Variants in PRKAR2A observed in about 807,000 individuals in gnomAD.
PRKAR2A encodes protein kinase cAMP-dependent type II regulatory subunit alpha.
In PRKAR2A, 29 loss-of-function variants were observed where a neutral mutation model predicts 51.9. That is an observed-to-expected ratio of 0.56 (90% CI 0.42 to 0.76). The LOEUF (loss-of-function observed/expected upper bound fraction) is 0.76. PRKAR2A is among the 30% of genes least tolerant of loss of function. The pLI is 0.00. For missense variants in PRKAR2A, 445 were observed against 512.1 expected (o/e 0.87, Z 1.26); for synonymous variants, 178 against 186.2 (o/e 0.96, Z 0.36).
At chr3:48,776,206 G>A (rs2082102368) in intron 5 of PRKAR2A, among the ~76,000 whole-genome samples, 1 of 152,132 alleles carries the variant, frequency 6.6e-6, no homozygotes, top group South Asian at 2.1e-4. Context: ...AGCATTTGCA[G>A]AAATAGGCAC....
At chr3:48,843,535 C>G (rs1457591742) in intron 1 of PRKAR2A, among the ~76,000 whole-genome samples, 2 of 152,120 alleles carry the variant, frequency 1.3e-5, no homozygotes, top group Non-Finnish European at 2.9e-5. Context: ...CAAGTCAATC[C>G]TAAGCCAAAA....
intron 8 of PRKAR2A, among the ~76,000 whole-genome samples, chr3:48,764,022 A>C (rs1377752443): frequency 6.6e-6 from 1 of 152,006 alleles, no homozygotes; most frequent in Non-Finnish European, 1.5e-5. Flanking sequence ...TAGTGGGGCC[A>C]ACTCCACCCA....
intron 1 of PRKAR2A, among the ~76,000 whole-genome samples, chr3:48,822,960 TA>T: frequency 6.6e-6 from 1 of 152,316 alleles, no homozygotes; most frequent in South Asian, 2.1e-4. Flanking sequence ...GAATCACAAA[TA>T]TTTTAAACAA....
Position 48,842,097 on chromosome 3 carries a change from G to A in PRKAR2A, c.262+5238C>T, listed in dbSNP as rs905282430. Among the ~76,000 whole-genome samples, 14 of 152,194 alleles carry A rather than the reference G, an allele frequency of 9.2e-5. No homozygotes were observed. In the South Asian group the frequency reaches 2.9e-3, roughly 32 times the overall value. Reference sequence around the variant, plus strand: ...ATCCTCTTTTATTTCATTGAGCAGTGGTTTGTAGTTCTCCTTGAAGAGGTC... The same window carrying A: ...ATCCTCTTTTATTTCATTGAGCAGTAGTTTGTAGTTCTCCTTGAAGAGGTC... On this transcript the variant is annotated intron_variant, in intron 1 of 10. Coordinates refer to ENST00000265563, the MANE Select transcript of PRKAR2A (RefSeq NM_004157.4).
At chr3:48,766,171 T>G (rs546414189) in intron 6 of PRKAR2A, among the ~76,000 whole-genome samples, 1 of 151,610 alleles carries the variant, frequency 6.6e-6, no homozygotes, top group South Asian at 2.1e-4. Context: ...GAGTTGTGAT[T>G]GTACCACTGC....
chr3:48,746,015 C>T (rs765365332), downstream of PRKAR2A, among the ~76,000 whole-genome samples: 8 of 152,074 alleles, frequency 5.3e-5, no homozygotes, highest in Admixed American at 2.0e-4. Flanking sequence ...TGCTTTTGGA[C>T]GCTAACTGAA....
At chr3:48,814,361 T>A (rs191326330) in intron 1 of PRKAR2A, among the ~76,000 whole-genome samples, 61 of 152,222 alleles carry the variant, frequency 4.0e-4, no homozygotes, top group Middle Eastern at 6.8e-3. Flanking sequence ...GAGGTTTCAG[T>A]GAGCCAAGAT....
chr3:48,835,406 C>T (rs970886198), intron 1 of PRKAR2A, among the ~76,000 whole-genome samples: 24 of 151,932 alleles, frequency 1.6e-4, no homozygotes, highest in Non-Finnish European at 1.5e-4. Flanking sequence ...CTTTGGGAGG[C>T]CAAGGCGGGC....
intron 1 of PRKAR2A, among the ~76,000 whole-genome samples, chr3:48,821,828 T>C (rs752927583): frequency 2.0e-5 from 3 of 149,738 alleles, no homozygotes; most frequent in Non-Finnish European, 4.4e-5. Flanking sequence ...GGCAGCAGAA[T>C]CGCTTGAACC....
chr3:48,745,578 A>G (rs1679321210), downstream of PRKAR2A, among the ~76,000 whole-genome samples: 1 of 117,400 alleles, frequency 8.5e-6, no homozygotes, highest in African/African-American at 3.5e-5. Context: ...CTTGTCGCCC[A>G]TGCTGGAGTG....
intron 1 of PRKAR2A, among the ~76,000 whole-genome samples, chr3:48,837,042 C>T (rs1247556976): frequency 6.6e-6 from 1 of 151,998 alleles, no homozygotes. Flanking sequence ...GTGAAAGGAT[C>T]GCTTGAGCCT....
At chr3:48,791,285 TAAAAAAAAAA>T (rs35380085) in intron 3 of PRKAR2A, among the ~76,000 whole-genome samples, 1 of 43,748 alleles carries the variant, frequency 2.3e-5, no homozygotes, top group Non-Finnish European at 4.3e-5. Flanking sequence ...GATTCCATCT[TAAAAAAAAAA>T]AAAAAAAAAA....
chr3:48,824,192 G>C (rs1411209442), intron 1 of PRKAR2A, among the ~76,000 whole-genome samples: 1 of 152,262 alleles, frequency 6.6e-6, no homozygotes, highest in East Asian at 1.9e-4. Flanking sequence ...AGTGAGCTGA[G>C]ATCACGCCAT....
At chr3:48,797,836 A>G (rs2082519652) in intron 2 of PRKAR2A, among the ~76,000 whole-genome samples, 2 of 152,192 alleles carry the variant, frequency 1.3e-5, no homozygotes, top group Non-Finnish European at 2.9e-5. Context: ...GATATAGGTA[A>G]TGACTCACTA....
At chr3:48,846,036 C>T (rs529280613) in intron 1 of PRKAR2A, among the ~76,000 whole-genome samples, 9 of 151,916 alleles carry the variant, frequency 5.9e-5, no homozygotes, top group South Asian at 4.2e-4. Flanking sequence ...GTCCTTATTG[C>T]GTACTCTTGG....
At chr3:48,842,474 G>A (rs1161199010) in intron 1 of PRKAR2A, among the ~76,000 whole-genome samples, 2 of 152,178 alleles carry the variant, frequency 1.3e-5, no homozygotes, top group Non-Finnish European at 2.9e-5. Context: ...GTGAGAAAGG[G>A]CATCCCTGTC....
intron 1 of PRKAR2A, among the ~76,000 whole-genome samples, chr3:48,844,648 T>G (rs2083432482): frequency 6.7e-6 from 1 of 148,922 alleles, no homozygotes; most frequent in African/African-American, 2.5e-5. Context: ...CATGGAATAC[T>G]ATGCAGCCAT....
chr3:48,817,576 G>A (rs960651397), intron 1 of PRKAR2A, among the ~76,000 whole-genome samples: 3 of 151,536 alleles, frequency 2.0e-5, no homozygotes, highest in African/African-American at 7.3e-5. Flanking sequence ...GAACCCGGCG[G>A]GTGGAGGTTG....
At chr3:48,829,117 T>G (rs948639933) in intron 1 of PRKAR2A, among the ~76,000 whole-genome samples, 3 of 151,834 alleles carry the variant, frequency 2.0e-5, no homozygotes, top group Non-Finnish European at 4.4e-5. Context: ...ATTATAGGCG[T>G]GAGCCACCGC....
Sources: allele counts gnomAD v4.1 joint callset (sites outside exome capture counted in the v4.1 genomes callset), GRCh38; gene constraint gnomAD v4.1.1; transcripts MANE v1.5; gene names NCBI Gene and HGNC (gene_info 2026-07-23, HGNC 2026-07-21).